PDCD2: variants seen among roughly 807,000 people sequenced by gnomAD.
The protein encoded by PDCD2 is uS5 assembly chaperone PDCD2.
Under a neutral mutation model 38.1 loss-of-function variants are expected in PDCD2, and 38 were observed. The ratio of observed to expected loss-of-function variants is 1.00; its 90% CI spans 0.77 to 1.31. The LOEUF is 1.31. Ranked by LOEUF, PDCD2 falls within the 50% of genes most tolerant of loss-of-function variation. PDCD2 has a pLI of 0.00. For missense variants in PDCD2, 473 were observed against 435.7 expected (o/e 1.09, Z -0.76); for synonymous variants, 205 against 168.9 (o/e 1.21, Z -1.66).
At position 170,580,129 on chromosome 6, in the gene PDCD2, T is replaced by C. The variant is rs759690635; in HGVS notation, c.659-24A>G. ...ACCTGAAAAATCAACGTAACTATTATGAAAAACAGGAGTAATCCCCACAAC... is the reference window on the plus strand; with the variant it reads ...ACCTGAAAAATCAACGTAACTATTACGAAAAACAGGAGTAATCCCCACAAC... On this transcript the variant is annotated intron_variant, in intron 3 of 5. Transcript: ENST00000541970. 9.3e-6 allele frequency: 13 copies of C among 1,403,844 alleles called. No homozygotes were observed. In the South Asian group the frequency reaches 1.0e-4, roughly 11 times the overall value. 87.0% of individuals were successfully genotyped at this position (1,403,844 alleles called of 1,614,324 possible). A position where few individuals can be genotyped will look rare whatever the true frequency, so the allele number is the denominator to read the frequency against.
intron 5 of PDCD2, 144 bp downstream of exon 5, chr6:170,578,713 G>A: frequency 1.4e-6 from 1 of 715,874 alleles, no homozygotes; most frequent in South Asian, 1.5e-5. Context: ...CCAAGGTGAG[G>A]CAGGAAACTG....
intron 3 of PDCD2, chr6:170,581,628 ACAAT>A (rs1779599743): frequency 6.4e-6 from 1 of 157,370 alleles, no homozygotes; most frequent in African/African-American, 2.4e-5. Context: ...GTACGTAGAC[ACAAT>A]CAACATTATC....
chr6:170,578,833 A>C (rs752993316), intron 5 of PDCD2, 24 bp downstream of exon 5: 6 of 1,356,156 alleles, frequency 4.4e-6, no homozygotes, highest in Non-Finnish European at 5.3e-6. Flanking sequence ...TTACACACTA[A>C]ATGGTCCTTA....
Position 170,578,987 on chromosome 6 carries a change from T to C in PDCD2, c.763-17A>G. 2.8e-6 allele frequency: 4 copies of C among 1,454,234 alleles called. No homozygotes were observed. The highest frequency in any genetic ancestry group is 3.8e-6 in the Non-Finnish European group (4 of 1,053,208). 90.1% of individuals were successfully genotyped at this position (1,454,234 alleles called of 1,614,324 possible). A position where few individuals can be genotyped will look rare whatever the true frequency, so the allele number is the denominator to read the frequency against. ...TCTAAGAATCTAAAATCAATGAAGATCATGTTCAAATAATCAATACCTTAC... is the reference window on the plus strand; with the variant it reads ...TCTAAGAATCTAAAATCAATGAAGACCATGTTCAAATAATCAATACCTTAC... On this transcript the variant is annotated splice_polypyrimidine_tract_variant and intron_variant, in intron 4 of 5. Coordinates refer to ENST00000541970, the MANE Select transcript of PDCD2 (RefSeq NM_002598.4).
chr6:170,580,693 C>T (rs1040331381), intron 3 of PDCD2, among the ~76,000 whole-genome samples: 7 of 151,792 alleles, frequency 4.6e-5, no homozygotes, highest in East Asian at 1.9e-4. Context: ...CCAGCCTGGG[C>T]GACAGAGTGA....
intron 3 of PDCD2, chr6:170,582,842 C>T: frequency 7.4e-7 from 1 of 1,349,824 alleles, no homozygotes; most frequent in Admixed American, 3.6e-5. Context: ...ATCTGGATAC[C>T]CACCCTTGTC....
chr6:170,582,785 GAACTTACCA>G, intron 3 of PDCD2: 1 of 1,287,596 alleles, frequency 7.8e-7, no homozygotes, highest in Non-Finnish European at 9.8e-7. Context: ...CGACCCAGAG[GAACTTACCA>G]AGCCTCCAGC....
At chr6:170,584,270 C>A in intron 1 of PDCD2, 29 bp downstream of exon 1, 1 of 1,397,310 alleles carries the variant, frequency 7.2e-7, no homozygotes, top group South Asian at 1.7e-5. Context: ...GGAGGCATGG[C>A]CCCGTCCCGA....
chr6:170,577,275 A>G lies in PDCD2; in HGVS notation c.*284T>C. The G allele has an allele frequency of 3.9e-6, 1 of 253,888 alleles. No individual in the cohort carries two copies. Among genetic ancestry groups the G allele is most frequent in the Non-Finnish European group, 7.6e-6 (1 of 132,002 alleles). 15.7% of individuals were successfully genotyped at this position (253,888 alleles called of 1,614,324 possible). A position where few individuals can be genotyped will look rare whatever the true frequency, so the allele number is the denominator to read the frequency against. On this transcript the variant is annotated 3_prime_UTR_variant, in exon 6 of 6. Transcript: ENST00000541970. ...GTGCATACATACAAATATTTTTACAAGAATAGGATCATACCATGAATACCA... is the reference window on the plus strand; with the variant it reads ...GTGCATACATACAAATATTTTTACAGGAATAGGATCATACCATGAATACCA...
At position 170,575,395 on chromosome 6, in the gene PDCD2, GCT is replaced by G. The variant is rs974264269; in HGVS notation, c.*2162_*2163del. Reference sequence around the variant, plus strand: ...ATAAAAAGGCAAAGCTGAATATGCTGCTCTCTACAGCAGAGGGAGCTGCTGTG... The same window carrying G: ...ATAAAAAGGCAAAGCTGAATATGCTGCTCTACAGCAGAGGGAGCTGCTGTG... On this transcript the variant is annotated 3_prime_UTR_variant, in exon 6 of 6. Coordinates refer to ENST00000541970, the MANE Select transcript of PDCD2 (RefSeq NM_002598.4). 6 of 151,944 alleles carry G rather than the reference GCT, an allele frequency of 3.9e-5. No homozygotes were observed. The highest frequency in any genetic ancestry group is 1.2e-4 in the African/African-American group (5 of 41,420). The allele number at this position is 151,944 out of a possible 1,614,324, so 9.4% of individuals were successfully genotyped here. A position where few individuals can be genotyped will look rare whatever the true frequency, so the allele number is the denominator to read the frequency against.
At chr6:170,581,471 T>C (rs750318175) in intron 3 of PDCD2, 1 of 152,252 alleles carries the variant, frequency 6.6e-6, no homozygotes, top group South Asian at 2.1e-4. Context: ...AGCCTTTTCA[T>C]GTTGCTTGAG....
At position 170,584,493 on chromosome 6, in the gene PDCD2, T is replaced by A; in HGVS notation, c.89A>T (p.Lys30Met). 7.4e-7 allele frequency: 1 copy of A among 1,345,138 alleles called. No homozygotes were observed. Among genetic ancestry groups the A allele is most frequent in the Non-Finnish European group, 9.5e-7 (1 of 1,052,154 alleles). 83.3% of individuals were successfully genotyped at this position (1,345,138 alleles called of 1,614,324 possible). A position where few individuals can be genotyped will look rare whatever the true frequency, so the allele number is the denominator to read the frequency against. ...CAGCCATGCCGGCCGCCCGCCCACC[T>A]TGCTGGGGAACTGCTCGCTGCGCAG... Reference protein sequence around the residue: ...WRLRSEQFPSKVGGRPAWLGA... With the variant: ...WRLRSEQFPSMVGGRPAWLGA... Residue 30 changes from lysine (K) to methionine (M), a missense_variant, in exon 1 of 6, where the codon AAG (lysine) becomes ATG (methionine). Coordinates refer to ENST00000541970, the MANE Select transcript of PDCD2 (RefSeq NM_002598.4).
rs1202890457 is a variant in PDCD2, at chr6:170,584,138, T to G, written c.283+161A>C. The G allele has an allele frequency of 5.1e-6, 4 of 779,704 alleles. No individual in the cohort carries two copies. In the Admixed American group the frequency reaches 1.3e-4, roughly 24 times the overall value. 48.3% of individuals were successfully genotyped at this position (779,704 alleles called of 1,614,324 possible). A position where few individuals can be genotyped will look rare whatever the true frequency, so the allele number is the denominator to read the frequency against. On this transcript the variant is annotated intron_variant, in intron 1 of 5. Coordinates refer to ENST00000541970, the MANE Select transcript of PDCD2 (RefSeq NM_002598.4). Reference sequence around the variant, plus strand: ...TTATGTAGCAAAAATGAGCACATCCTGGAAGGGCCCGGGAGAAGGTGCTCC... The same window carrying G: ...TTATGTAGCAAAAATGAGCACATCCGGGAAGGGCCCGGGAGAAGGTGCTCC...
intron 2 of PDCD2, 61 bp from the exon 3 acceptor site, chr6:170,583,249 T>C (rs995486577): frequency 9.6e-6 from 12 of 1,243,842 alleles, no homozygotes; most frequent in Non-Finnish European, 1.4e-5. Context: ...TCTAATAATT[T>C]GCTGTCTCTA....
chr6:170,577,060 T>C lies in PDCD2; in HGVS notation c.*499A>G, dbSNP rs1014692888. ...TGATCAGACAAGTTTGTTGGGAGTT[T>C]TACCTAAGTATTTTTGTGTTTTAAA... On this transcript the variant is annotated 3_prime_UTR_variant, in exon 6 of 6. Transcript: ENST00000541970. The C allele has an allele frequency of 6.5e-6, 1 of 153,000 alleles. No individual in the cohort carries two copies. The highest frequency in any genetic ancestry group is 2.4e-5 in the African/African-American group (1 of 41,458). 9.5% of individuals were successfully genotyped at this position (153,000 alleles called of 1,614,324 possible).
intron 5 of PDCD2, 131 bp downstream of exon 5, chr6:170,578,726 G>T: frequency 1.4e-6 from 1 of 728,622 alleles, no homozygotes; most frequent in Non-Finnish European, 2.5e-6. Flanking sequence ...GGAAACTGAT[G>T]ATTTTCATTA....
chr6:170,580,180 A>C lies in PDCD2; in HGVS notation c.659-75T>G, dbSNP rs374849818. On this transcript the variant is annotated intron_variant, in intron 3 of 5. Coordinates refer to ENST00000541970, the MANE Select transcript of PDCD2 (RefSeq NM_002598.4). ...TTGACAATTCACACATGGAGAGGGG[A>C]CCCACTTTTAATCAGATAGCTTTCC... 1.1e-5 allele frequency: 9 copies of C among 812,866 alleles called. No individual in the cohort carries two copies. The African/African-American group carries it at 1.5e-4, about 14-fold the overall frequency. The allele number at this position is 812,866 out of a possible 1,614,324, so 50.4% of individuals were successfully genotyped here.
intron 3 of PDCD2, chr6:170,581,422 C>A (rs1779593053): frequency 6.6e-6 from 1 of 152,094 alleles, no homozygotes; most frequent in African/African-American, 2.4e-5. Context: ...CAGTTAGCGT[C>A]CTTGTGGATG....
chr6:170,582,348 T>G lies in PDCD2; in HGVS notation c.658+709A>C, dbSNP rs1037773696. ...ATGACTGGTATGAACTACAAACCAG[T>G]AAGCTGATGTTTTCATTTTGAGTCT... On this transcript the variant is annotated intron_variant, in intron 3 of 5. Coordinates refer to ENST00000541970, the MANE Select transcript of PDCD2 (RefSeq NM_002598.4). 346 of 1,533,216 alleles carry G rather than the reference T, an allele frequency of 2.3e-4. 1 individual carries two copies. In the Middle Eastern group the frequency reaches 3.1e-3, roughly 14 times the overall value. 95.0% of individuals were successfully genotyped at this position (1,533,216 alleles called of 1,614,324 possible).
Sources: allele counts gnomAD v4.1 joint callset (sites outside exome capture counted in the v4.1 genomes callset), GRCh38; gene constraint gnomAD v4.1.1; transcripts MANE v1.5; gene names NCBI Gene and HGNC (gene_info 2026-07-23, HGNC 2026-07-21).